Variants in PCOLCE2 observed in about 807,000 individuals in gnomAD.
The protein encoded by PCOLCE2 is procollagen C-proteinase enhancer 2.
Under a neutral mutation model 47.0 loss-of-function variants are expected in PCOLCE2, and 42 were observed. The observed-to-expected ratio is 0.89, with a 90% CI of 0.70 to 1.16. The LOEUF (loss-of-function observed/expected upper bound fraction) is 1.16. PCOLCE2 is among the 50% of genes most tolerant of loss of function. The pLI, the probability that PCOLCE2 is intolerant of heterozygous loss-of-function variation, is 0.00. For synonymous variants in PCOLCE2, 169 were observed against 191.7 expected, an observed-to-expected ratio of 0.88 and a Z score of 0.98; for missense variants, 500 against 526.1, an observed-to-expected ratio of 0.95 and a Z score of 0.49.
chr3:142,848,433 T>A lies in PCOLCE2; in HGVS notation c.232A>T (p.Ile78Leu), dbSNP rs41267847. ...CACAGGTTGTCACTCTCGAGGTCTA[T>A]GAATCGGAAATTGAGAACGACTACT... is the stretch of plus-strand genomic sequence containing the variant. ...GKVVVLNFRF[I>L]DLESDNLCRY... The change falls in exon 3 of 9, where the codon ATA becomes TTA. Residue 78 changes from isoleucine to leucine, a missense_variant. Transcript: ENST00000295992. 1.1e-3 allele frequency: 1,701 copies of A among 1,604,832 alleles called. 5 individuals are homozygous for A. The highest frequency in any genetic ancestry group is 1.1e-3 in the Non-Finnish European group (1,256 of 1,172,502).
intron 4 of PCOLCE2, among the ~76,000 whole-genome samples, chr3:142,840,006 G>A (rs893319157): frequency 6.6e-5 from 10 of 152,206 alleles, no homozygotes; most frequent in African/African-American, 2.4e-4. Flanking sequence ...AGGGTGAGCT[G>A]AGTGGATAGA....
In PCOLCE2 at chr3:142,843,029, T is replaced by A. The variant is rs777088943; in HGVS notation, c.468A>T (p.Gly156=). ...PNERGDQYCG[G]LLDRPSGSFK... is the part of the protein sequence containing the mutation. ...AAGAGCCGGAAGGTCTGTCAAGGAG[T>A]CCTCCACAATACTGATCCCCTTCAA... The change falls in exon 4 of 9, where the codon GGA becomes GGT. Residue 156 remains glycine (G), a synonymous_variant. Coordinates refer to ENST00000295992, the MANE Select transcript of PCOLCE2 (RefSeq NM_013363.4). The A allele has an allele frequency of 6.2e-7, 1 of 1,613,360 alleles. No individual in the cohort carries two copies. Among genetic ancestry groups the A allele is most frequent in the South Asian group, 1.1e-5 (1 of 91,014 alleles).
intron 2 of PCOLCE2, chr3:142,864,582 G>A (rs1933245209): frequency 1.3e-5 from 2 of 152,296 alleles, no homozygotes; most frequent in East Asian, 3.9e-4. Context: ...GAAAATGTAT[G>A]GAGTTGTGCA....
At position 142,882,199 on chromosome 3, in the gene PCOLCE2, T is replaced by TAA. The variant is rs11440595; in HGVS notation, c.192+5468_192+5469dup. Among the ~76,000 whole-genome samples, 1,138 of 148,244 alleles carry TAA rather than the reference T, an allele frequency of 7.7e-3. 14 individuals carry two copies. The highest frequency in any genetic ancestry group is 0.024 in the African/African-American group (978 of 40,306). Reference sequence around the variant, plus strand: ...TGCATACAACCACTCCTGGCTAATTTAAAAAAAAAAAAATTGCAGAGACAG... The same window carrying TAA: ...TGCATACAACCACTCCTGGCTAATTTAAAAAAAAAAAAAAATTGCAGAGACAG... On this transcript the variant is annotated intron_variant, in intron 2 of 8. Coordinates refer to ENST00000295992, the MANE Select transcript of PCOLCE2 (RefSeq NM_013363.4).
intron 6 of PCOLCE2, among the ~76,000 whole-genome samples, chr3:142,828,631 T>G (rs962156513): frequency 6.6e-6 from 1 of 152,002 alleles, no homozygotes; most frequent in African/African-American, 2.4e-5. Flanking sequence ...AGGCAGAAAA[T>G]AGTGTGATAA....
intron 7 of PCOLCE2, among the ~76,000 whole-genome samples, chr3:142,822,472 G>A (rs1375993053): frequency 6.6e-6 from 1 of 152,060 alleles, no homozygotes; most frequent in Non-Finnish European, 1.5e-5. Context: ...TCACTGCTTA[G>A]GCAGTGTGCA....
intron 2 of PCOLCE2, among the ~76,000 whole-genome samples, chr3:142,861,781 AC>A (rs1933187082): frequency 6.6e-6 from 1 of 152,244 alleles, no homozygotes; most frequent in Admixed American, 6.5e-5. Flanking sequence ...GGTGAGGCTG[AC>A]TGGAAGCTCT....
intron 1 of PCOLCE2, among the ~76,000 whole-genome samples, chr3:142,888,479 T>C (rs1012274459): frequency 1.4e-4 from 21 of 152,144 alleles, no homozygotes; most frequent in Admixed American, 3.3e-4. Flanking sequence ...AATCCACATA[T>C]TTGGGCCCCA....
chr3:142,865,365 C>T (rs113653581), intron 2 of PCOLCE2, among the ~76,000 whole-genome samples: 1,837 of 151,976 alleles, frequency 0.012, 35 homozygotes, highest in African/African-American at 0.041. Context: ...AAAATACAAA[C>T]AGAAAAGCAT....
At chr3:142,879,439 A>G (rs902859293) in intron 2 of PCOLCE2, among the ~76,000 whole-genome samples, 1 of 152,226 alleles carries the variant, frequency 6.6e-6, no homozygotes, top group Non-Finnish European at 1.5e-5. Flanking sequence ...AGAGCAAAGA[A>G]AAAGAAAACA....
rs118020659 is a variant in PCOLCE2, at chr3:142,835,893, C to A, written c.710+2877G>T. ...TCCTGGGCTCAACTGATCCTCCAACCTCAGGTTCTCAGAGTGCTGGGATTA... is the reference window on the plus strand; with the variant it reads ...TCCTGGGCTCAACTGATCCTCCAACATCAGGTTCTCAGAGTGCTGGGATTA... On this transcript the variant is annotated intron_variant, in intron 5 of 8. Coordinates refer to ENST00000295992, the MANE Select transcript of PCOLCE2 (RefSeq NM_013363.4). Among the ~76,000 whole-genome samples the A allele has an allele frequency of 1.8e-3, 281 of 152,336 alleles. 11 individuals are homozygous for A. In the East Asian group the frequency reaches 0.048, roughly 26 times the overall value.
At chr3:142,859,069 T>TC (rs1284246000) in intron 2 of PCOLCE2, among the ~76,000 whole-genome samples, 2 of 150,986 alleles carry the variant, frequency 1.3e-5, no homozygotes, top group African/African-American at 4.9e-5. Context: ...TTTTCTTCTT[T>TC]TTTTTTTTTT....
intron 2 of PCOLCE2, among the ~76,000 whole-genome samples, chr3:142,883,359 G>A (rs1933662121): frequency 6.6e-6 from 1 of 152,042 alleles, no homozygotes; most frequent in Admixed American, 6.5e-5. Flanking sequence ...CATACCATAT[G>A]CAGCCAAAGT....
At chr3:142,840,791 A>G (rs1470469412) in intron 4 of PCOLCE2, among the ~76,000 whole-genome samples, 1 of 152,174 alleles carries the variant, frequency 6.6e-6, no homozygotes, top group Non-Finnish European at 1.5e-5. Context: ...AATTAGTCAC[A>G]AAGGCTGGGC....
At chr3:142,850,796 G>A (rs1468038412) in intron 2 of PCOLCE2, among the ~76,000 whole-genome samples, 1 of 108,286 alleles carries the variant, frequency 9.2e-6, no homozygotes, top group Non-Finnish European at 2.1e-5. Flanking sequence ...AAGATGAACA[G>A]AATAATATGG....
chr3:142,858,744 T>A (rs959012762), intron 2 of PCOLCE2, among the ~76,000 whole-genome samples: 8 of 142,034 alleles, frequency 5.6e-5, no homozygotes, highest in African/African-American at 2.0e-4. Flanking sequence ...TATGTGTGTG[T>A]GTGTGTGTGT....
chr3:142,846,077 T>G (rs895251874), intron 3 of PCOLCE2, among the ~76,000 whole-genome samples: 6 of 152,248 alleles, frequency 3.9e-5, no homozygotes, highest in African/African-American at 1.4e-4. Flanking sequence ...TAGTTTCATC[T>G]GATTGATTTC....
intron 3 of PCOLCE2, among the ~76,000 whole-genome samples, chr3:142,843,491 T>C (rs1455752506): frequency 2.0e-5 from 3 of 150,530 alleles, no homozygotes; most frequent in African/African-American, 7.3e-5. Flanking sequence ...GATATATATA[T>C]AATATGTATA....
intron 2 of PCOLCE2, among the ~76,000 whole-genome samples, chr3:142,861,221 G>A (rs1272183341): frequency 6.6e-6 from 1 of 152,174 alleles, no homozygotes; most frequent in African/African-American, 2.4e-5. Flanking sequence ...CCTTCTATGT[G>A]ACTGTCCTCC....
Sources: allele counts gnomAD v4.1 joint callset (sites outside exome capture counted in the v4.1 genomes callset), GRCh38; gene constraint gnomAD v4.1.1; transcripts MANE v1.5; gene names NCBI Gene and HGNC (gene_info 2026-07-23, HGNC 2026-07-21).